RAB27B: variants seen among roughly 807,000 people sequenced by gnomAD.
RAB27B encodes the protein RAB27B, member RAS oncogene family.
Under a neutral mutation model 24.6 loss-of-function variants are expected in RAB27B, and 15 were observed. The ratio of observed to expected loss-of-function variants is 0.61; its 90% confidence interval spans 0.41 to 0.94. The LOEUF is 0.94. RAB27B is among the 40% of genes least tolerant of loss of function. The probability of loss-of-function intolerance (pLI) is 0.00; values close to 1 mark genes in which losing one functional copy is unlikely to be tolerated. For synonymous variants in RAB27B, 105 were observed against 92.5 expected (o/e 1.14, Z -0.78); for missense variants, 261 against 266.8 (o/e 0.98, Z 0.15).
At chr18:54,785,458 T>TC (rs1555656062) in intron 2 of RAB27B, among the ~76,000 whole-genome samples, 6,888 of 147,308 alleles carry the variant, frequency 0.047, 416 homozygotes, top group South Asian at 0.13. Context: ...TTTTTTTTTT[T>TC]CCAAAATGCC....
chr18:54,750,285 T>C (rs1211467301), intron 2 of RAB27B, among the ~76,000 whole-genome samples: 1 of 152,200 alleles, frequency 6.6e-6, no homozygotes, highest in Non-Finnish European at 1.5e-5. Flanking sequence ...GATGTAACTA[T>C]CTCTTGAAAT....
chr18:54,876,253 T>A (rs1474546896), intron 1 of RAB27B, among the ~76,000 whole-genome samples: 2 of 152,172 alleles, frequency 1.3e-5, no homozygotes, highest in African/African-American at 4.8e-5. Context: ...TACCTCCACC[T>A]GGTCTCTCCC....
intron 2 of RAB27B, among the ~76,000 whole-genome samples, chr18:54,822,635 A>G (rs1440295192): frequency 6.6e-6 from 1 of 152,244 alleles, no homozygotes; most frequent in Non-Finnish European, 1.5e-5. Context: ...GTATTGTCAT[A>G]TGACTTGTAG....
chr18:54,849,491 C>T (rs1324161630), intron 1 of RAB27B, among the ~76,000 whole-genome samples: 2 of 152,036 alleles, frequency 1.3e-5, no homozygotes, highest in East Asian at 1.9e-4. Flanking sequence ...GCCGAGGGAG[C>T]GTGGATCACT....
intron 2 of RAB27B, among the ~76,000 whole-genome samples, chr18:54,796,980 AT>A (rs1257971735): frequency 6.6e-6 from 1 of 152,206 alleles, no homozygotes; most frequent in Non-Finnish European, 1.5e-5. Flanking sequence ...AAGAGGAGTC[AT>A]TGCCGTCTTT....
rs1168717641 is a variant in RAB27B, at chr18:54,810,324, A to G, written c.-19-67243A>G. ...CTAGGAAATATTTTGCTTTCCTAAT[A>G]ATATATATTTATCAGAAATTTCTAC... is the stretch of plus-strand genomic sequence containing the variant. On this transcript the variant is annotated intron_variant, in intron 2 of 4. Coordinates refer to the RAB27B transcript ENST00000586570. Among the ~76,000 whole-genome samples the G allele has an allele frequency of 2.0e-5, 3 of 152,184 alleles. No individual in the cohort carries two copies. The East Asian group carries it at 5.8e-4, about 29-fold the overall frequency.
At chr18:54,774,785 C>G (rs1908664039) in intron 2 of RAB27B, among the ~76,000 whole-genome samples, 1 of 152,160 alleles carries the variant, frequency 6.6e-6, no homozygotes, top group Non-Finnish European at 1.5e-5. Flanking sequence ...TGGTCATTCT[C>G]TATCCCATTA....
chr18:54,745,438 T>C (rs1910206102), intron 2 of RAB27B: 1 of 153,824 alleles, frequency 6.5e-6, no homozygotes, highest in Non-Finnish European at 1.5e-5. Flanking sequence ...ATATCTTGAG[T>C]TCACTGCTAC....
chr18:54,870,054 C>T (rs1165338263), intron 1 of RAB27B, among the ~76,000 whole-genome samples: 5 of 151,872 alleles, frequency 3.3e-5, no homozygotes, highest in Non-Finnish European at 2.9e-5. Context: ...TCAGATAATC[C>T]CAAGAATACA....
chr18:54,778,621 C>T (rs1199056535), intron 2 of RAB27B, among the ~76,000 whole-genome samples: 1 of 152,116 alleles, frequency 6.6e-6, no homozygotes, highest in Non-Finnish European at 1.5e-5. Context: ...AGTAAATGCT[C>T]AGTAAATTGA....
chr18:54,823,816 T>A (rs1453873978), upstream of RAB27B, among the ~76,000 whole-genome samples: 2 of 152,214 alleles, frequency 1.3e-5, no homozygotes, highest in African/African-American at 4.8e-5. Context: ...TGTTTCCTTA[T>A]GTGTATTTTA....
At chr18:54,758,618 A>G (rs1195309326) in intron 2 of RAB27B, among the ~76,000 whole-genome samples, 5 of 137,786 alleles carry the variant, frequency 3.6e-5, no homozygotes. Flanking sequence ...TCCAGCTTGC[A>G]AGCGACCAAA....
intron 2 of RAB27B, among the ~76,000 whole-genome samples, chr18:54,819,285 T>A (rs867169497): frequency 1.3e-4 from 19 of 148,116 alleles, no homozygotes; most frequent in African/African-American, 4.6e-4. Context: ...TATTTTAGTA[T>A]ACTATTAGAA....
intron 2 of RAB27B, among the ~76,000 whole-genome samples, chr18:54,720,391 G>A (rs1452867756): frequency 2.0e-5 from 3 of 152,048 alleles, no homozygotes; most frequent in Non-Finnish European, 2.9e-5. Flanking sequence ...AGCAAAAATA[G>A]TTCCAATAAA....
At chr18:54,842,065 C>T (rs1049386678) in intron 1 of RAB27B, among the ~76,000 whole-genome samples, 22 of 152,204 alleles carry the variant, frequency 1.4e-4, no homozygotes, top group Non-Finnish European at 1.6e-4. Context: ...GGTCAAATGT[C>T]TAATGGCAGA....
intron 3 of RAB27B, among the ~76,000 whole-genome samples, chr18:54,882,550 T>C (rs966092013): frequency 5.9e-5 from 9 of 152,178 alleles, no homozygotes; most frequent in African/African-American, 2.2e-4. Context: ...CGGGAAGTGT[T>C]ATTTCCTCTG....
intron 2 of RAB27B, among the ~76,000 whole-genome samples, chr18:54,799,845 AGTCTGTTAGCCAGGATG>A (rs1909546111): frequency 6.6e-6 from 1 of 152,140 alleles, no homozygotes; most frequent in African/African-American, 2.4e-5. Context: ...TAGCCAGGAT[AGTCTGTTAGCCAGGATG>A]GTCTTGATCT....
At chr18:54,838,457 A>G (rs1012057507) in intron 1 of RAB27B, among the ~76,000 whole-genome samples, 3 of 152,212 alleles carry the variant, frequency 2.0e-5, no homozygotes, top group East Asian at 3.9e-4. Context: ...TCTTTATACC[A>G]CCATCTGGGT....
At chr18:54,801,021 T>TTTTTG (rs781028900) in intron 2 of RAB27B, among the ~76,000 whole-genome samples, 7,387 of 144,794 alleles carry the variant, frequency 0.051, 257 homozygotes, top group Admixed American at 0.089. Context: ...TTTTTTTTTT[T>TTTTTG]TTTTTTTTTT....
Sources: gnomAD v4.1 joint callset for allele counts (sites outside exome capture counted in the v4.1 genomes callset) on GRCh38, gnomAD v4.1.1 for gene constraint, MANE v1.5 for transcripts, NCBI Gene and HGNC (gene_info 2026-07-23, HGNC 2026-07-21) for gene names.